NTN4: variants seen among roughly 807,000 people sequenced by gnomAD.
The protein encoded by NTN4 is netrin 4, also known as netrin-4.
NTN4 carries 32 observed loss-of-function variants against 73.6 expected under a neutral mutation model. That is an observed-to-expected ratio of 0.44 (90% CI 0.33 to 0.58). The LOEUF (loss-of-function observed/expected upper bound fraction) is 0.58. Among genes scored for constraint, NTN4 ranks in the 20% least tolerant of loss-of-function variants. The pLI is 0.04. For missense variants in NTN4, 654 were observed against 798.3 expected (o/e 0.82, Z 2.18); for synonymous variants, 258 against 287.5 (o/e 0.90, Z 1.04).
chr12:95,766,088 C>G (rs977194812), intron 2 of NTN4, among the ~76,000 whole-genome samples: 1 of 152,202 alleles, frequency 6.6e-6, no homozygotes, highest in Non-Finnish European at 1.5e-5. Flanking sequence ...TCAGGGACTC[C>G]TCGCCTTTTT....
At chr12:95,686,066 A>T (rs4762600) in intron 5 of NTN4, among the ~76,000 whole-genome samples, 135,200 of 151,686 alleles carry the variant, frequency 0.89, 60,521 homozygotes, top group East Asian at 1. Flanking sequence ...GTAATTTGTT[A>T]TTTTTTTATA....
At chr12:95,731,569 A>G (rs552255830) in intron 3 of NTN4, among the ~76,000 whole-genome samples, 1 of 152,206 alleles carries the variant, frequency 6.6e-6, no homozygotes, top group African/African-American at 2.4e-5. Flanking sequence ...ATAATAATAA[A>G]TAAATAAATC....
At chr12:95,677,105 A>G (rs1450890196) in intron 7 of NTN4, among the ~76,000 whole-genome samples, 1 of 151,972 alleles carries the variant, frequency 6.6e-6, no homozygotes, top group Non-Finnish European at 1.5e-5. Context: ...GCATGGTGGC[A>G]TGCGCCTGTA....
intron 3 of NTN4, among the ~76,000 whole-genome samples, chr12:95,731,801 T>G (rs1318801423): frequency 6.6e-6 from 1 of 152,136 alleles, no homozygotes; most frequent in African/African-American, 2.4e-5. Context: ...GAGAATGGGC[T>G]TTAGTGTCTG....
chr12:95,790,255 C>A lies in NTN4; in HGVS notation c.55G>T (p.Gly19Ter). ...GGGGCCCCGCCGCGTCACCACCCAC[C>A]TGCGGCCACCACCGTGCAGCCCCAG... is the stretch of plus-strand genomic sequence containing the variant. The part of the protein sequence containing the change: ...LLWGCTVVAA[G>*]LSGVAGVSSR... Residue 19 changes from glycine (G) to a stop codon, truncating the protein, a stop_gained and splice_region_variant, in exon 1 of 10, where the codon GGA becomes TGA. Transcript: ENST00000343702. LOFTEE classifies it high-confidence loss of function. The surrounding 1 kb of genome is among the most constrained non-coding windows in gnomAD (Gnocchi z 6.5). 6.5e-7 allele frequency: 1 copy of A among 1,534,632 alleles called. No individual in the cohort carries two copies. Among genetic ancestry groups the A allele is most frequent in the Non-Finnish European group, 8.8e-7 (1 of 1,140,544 alleles).
rs371032155 is a variant in NTN4 at position 95,713,192 on chromosome 12, A to T, written c.991+20T>A. ...GACTTTACAAAGAAAGCTTTTGAGT[A>T]TCGTGGGCTTGTTACTTACTTCTGC... On this transcript the variant is annotated intron_variant, in intron 4 of 9. Coordinates refer to ENST00000343702, the MANE Select transcript of NTN4 (RefSeq NM_021229.4). 1.0e-4 allele frequency: 162 copies of T among 1,606,942 alleles called. No homozygotes were observed. Among genetic ancestry groups the T allele is most frequent in the Non-Finnish European group, 1.3e-4 (150 of 1,174,448 alleles).
At chr12:95,735,869 A>T (rs34637382) in intron 3 of NTN4, among the ~76,000 whole-genome samples, 34,332 of 151,446 alleles carry the variant, frequency 0.23, 4,378 homozygotes, top group Non-Finnish European at 0.3. Flanking sequence ...AAAGAAAGTA[A>T]TACTTTTAAA....
chr12:95,762,569 C>A (rs1345475333), intron 2 of NTN4, among the ~76,000 whole-genome samples: 1 of 152,176 alleles, frequency 6.6e-6, no homozygotes, highest in African/African-American at 2.4e-5. Flanking sequence ...TAAAGACCAG[C>A]AATTGGCTTT....
chr12:95,739,548 A>G (rs1452006889), intron 2 of NTN4, among the ~76,000 whole-genome samples: 3 of 152,188 alleles, frequency 2.0e-5, no homozygotes, highest in Non-Finnish European at 2.9e-5. Context: ...GCATTTTTTA[A>G]AAATTGAATC....
chr12:95,744,352 CT>C lies in NTN4; in HGVS notation c.586-6209del, dbSNP rs372714186. The stretch of plus-strand genomic sequence containing the variant: ...CTTTTAAAGTATTAGTAGGGTATAT[CT>C]TTTTTTATCCTTTTACTTTTAACTT... On this transcript the variant is annotated intron_variant, in intron 2 of 9. Coordinates refer to ENST00000343702, the MANE Select transcript of NTN4 (RefSeq NM_021229.4). Among the ~76,000 whole-genome samples, 29 of 152,174 alleles carry C rather than the reference CT, an allele frequency of 1.9e-4. 1 individual carries two copies. The highest frequency in any genetic ancestry group is 7.0e-4 in the African/African-American group (29 of 41,546).
chr12:95,750,196 T>C (rs1365540698), intron 2 of NTN4, among the ~76,000 whole-genome samples: 1 of 146,374 alleles, frequency 6.8e-6, no homozygotes, highest in African/African-American at 2.5e-5. Context: ...ACCCCTTATT[T>C]CTGTGCCCCA....
intron 2 of NTN4, among the ~76,000 whole-genome samples, chr12:95,763,608 G>A (rs996791417): frequency 6.6e-6 from 1 of 152,224 alleles, no homozygotes; most frequent in African/African-American, 2.4e-5. Context: ...CTAAGTAGCA[G>A]ATGACCTCTC....
chr12:95,672,159 A>G, intron 7 of NTN4: 1 of 458,852 alleles, frequency 2.2e-6, no homozygotes, highest in Non-Finnish European at 4.0e-6. Flanking sequence ...TGTCTCTACA[A>G]AAAAGATTAA....
At chr12:95,720,524 T>C (rs966717572) in intron 3 of NTN4, among the ~76,000 whole-genome samples, 4 of 152,194 alleles carry the variant, frequency 2.6e-5, no homozygotes, top group Non-Finnish European at 4.4e-5. Context: ...GGGTTTCCAA[T>C]AAACGTGTAT....
Position 95,737,979 on chromosome 12 carries a change from A to G in NTN4, c.751T>C (p.Tyr251His). The change falls in exon 3 of 10, where the codon TAT becomes CAT. Residue 251 changes from tyrosine to histidine, a missense_variant. By Grantham distance (83) the Tyr-to-His change is moderately conservative. Transcript: ENST00000343702. ...TTGACAATGAAATCATAGATTGCAT[A>G]GTGTGTAAAATGTTGAGGCTCTTCG... ...LNEEPQHFTH[Y>H]AIYDFIVKGS... is the part of the protein sequence containing the mutation. 6.2e-7 allele frequency: 1 copy of G among 1,614,088 alleles called. No homozygotes were observed. The highest frequency in any genetic ancestry group is 8.5e-7 in the Non-Finnish European group (1 of 1,179,992).
intron 8 of NTN4, among the ~76,000 whole-genome samples, chr12:95,668,983 G>T (rs2120935290): frequency 6.6e-6 from 1 of 152,334 alleles, no homozygotes; most frequent in South Asian, 2.1e-4. Flanking sequence ...AATTAGCCGG[G>T]CATGGTGGCA....
At chr12:95,775,538 C>T (rs141873187) in intron 2 of NTN4, among the ~76,000 whole-genome samples, 4,616 of 152,344 alleles carry the variant, frequency 0.03, 178 homozygotes, top group African/African-American at 0.082. Flanking sequence ...GATTATATCC[C>T]GTGCATGGCT....
intron 2 of NTN4, among the ~76,000 whole-genome samples, chr12:95,782,453 A>G (rs534170753): frequency 8.6e-5 from 13 of 151,880 alleles, no homozygotes; most frequent in African/African-American, 2.9e-4. Flanking sequence ...GTGCCACCAC[A>G]CCTGGCTAAC....
At chr12:95,770,854 C>T (rs879284178) in intron 2 of NTN4, among the ~76,000 whole-genome samples, 3 of 152,154 alleles carry the variant, frequency 2.0e-5, no homozygotes, top group Admixed American at 2.0e-4. Flanking sequence ...GCAAACATAG[C>T]AGAGGCCTGG....
Sources: gnomAD v4.1 joint callset for allele counts (sites outside exome capture counted in the v4.1 genomes callset) on GRCh38, gnomAD v4.1.1 for gene constraint, Gnocchi (gnomAD v3.1) non-coding constraint, MANE v1.5 for transcripts, NCBI Gene and HGNC (gene_info 2026-07-23, HGNC 2026-07-21) for gene names.